Variants in ZNF503 observed in about 807,000 individuals in gnomAD.
The protein encoded by ZNF503 is zinc finger protein 503, also known as NocA-like zinc finger 2.
ZNF503 carries 15 observed loss-of-function variants against 34.4 expected under a neutral mutation model. The observed-to-expected ratio is 0.44, with a 90% confidence interval of 0.29 to 0.67. The LOEUF is 0.67. Among genes scored for constraint, ZNF503 ranks in the 30% least tolerant of loss-of-function variants. ZNF503 has a pLI of 0.13. For missense variants in ZNF503, 1,007 were observed against 926.8 expected, an observed-to-expected ratio of 1.09 and a Z score of -1.12; for synonymous variants, 580 against 456.8, an observed-to-expected ratio of 1.27 and a Z score of -3.44.
chr10:75,365,100 C>T, the ZNF503 span, among the ~76,000 whole-genome samples: 1,048 of 152,302 alleles, frequency 6.9e-3, 10 homozygotes, highest in Non-Finnish European at 9.2e-3. Flanking sequence ...TGCTGGGTCT[C>T]GGGTTATTTC....
the ZNF503 span, among the ~76,000 whole-genome samples, chr10:75,308,166 G>A: frequency 0.015 from 2,210 of 145,354 alleles, 31 homozygotes; most frequent in Middle Eastern, 0.033. Context: ...CTCTTTAAAT[G>A]GAAAAACAAA....
chr10:75,370,778 C>CAAAAAAAAAAAA, the ZNF503 span, among the ~76,000 whole-genome samples: 17 of 67,972 alleles, frequency 2.5e-4, no homozygotes, highest in East Asian at 1.0e-3. Flanking sequence ...GGCTCCATCT[C>CAAAAAAAAAAAA]AAAAAAAAAA....
At chr10:75,371,233 G>A in the ZNF503 span, among the ~76,000 whole-genome samples, 1 of 152,190 alleles carries the variant, frequency 6.6e-6, no homozygotes. Context: ...CTGGTCCACA[G>A]AGTCTCCATC....
the ZNF503 span, among the ~76,000 whole-genome samples, chr10:75,287,497 C>T: frequency 0.04 from 6,133 of 152,222 alleles, 423 homozygotes; most frequent in African/African-American, 0.14. Context: ...ACCCTCTACT[C>T]TCTCCTGGGC....
the ZNF503 span, among the ~76,000 whole-genome samples, chr10:75,378,068 C>A: frequency 6.6e-6 from 1 of 151,994 alleles, no homozygotes; most frequent in African/African-American, 2.4e-5. Flanking sequence ...AATTCACTAT[C>A]TCGAGGACAG....
chr10:75,344,069 T>C, the ZNF503 span, among the ~76,000 whole-genome samples: 1 of 152,190 alleles, frequency 6.6e-6, no homozygotes, highest in East Asian at 1.9e-4. Context: ...CTATAGCTAA[T>C]TAGCTGCCTC....
the ZNF503 span, among the ~76,000 whole-genome samples, chr10:75,328,451 A>G: frequency 1.3e-5 from 2 of 152,020 alleles, no homozygotes; most frequent in South Asian, 4.2e-4. Flanking sequence ...ATTGACCTAT[A>G]TGTTTGTTTT....
the ZNF503 span, among the ~76,000 whole-genome samples, chr10:75,300,512 A>G: frequency 2.0e-5 from 3 of 152,298 alleles, no homozygotes; most frequent in East Asian, 1.9e-4. Context: ...AATATCCATG[A>G]AATCTTCACA....
chr10:75,333,318 G>A, the ZNF503 span, among the ~76,000 whole-genome samples: 2 of 66,762 alleles, frequency 3.0e-5, no homozygotes, highest in East Asian at 9.2e-4. Context: ...CGGGGCGGCT[G>A]GCTGGGCAGA....
At chr10:75,323,812 C>A in the ZNF503 span, among the ~76,000 whole-genome samples, 3 of 151,896 alleles carry the variant, frequency 2.0e-5, no homozygotes, top group Admixed American at 1.3e-4. Flanking sequence ...ACCAGCCTGG[C>A]CAACATGGTG....
Position 75,401,310 on chromosome 10 carries a change from G to C in ZNF503, c.110C>G (p.Ser37Cys), listed in dbSNP as rs765073633. The part of the protein sequence containing the change: ...GADPAWTSAL[S>C]GNSSGPGPGS... ...TGGGCCGGGGCCGGAGCTATTTCCA[G>C]AGAGCGCGCTGGTCCAGGCAGGGTC... The change falls in exon 1 of 2, where the codon TCT becomes TGT. Residue 37 changes from serine (S) to cysteine (C), a missense_variant. Physicochemically the swap from Ser to Cys is moderately radical, Grantham distance 112. Transcript: ENST00000372524. The C allele has an allele frequency of 3.2e-6, 5 of 1,552,276 alleles. No individual in the cohort carries two copies. Among genetic ancestry groups the C allele is most frequent in the Non-Finnish European group, 3.5e-6 (4 of 1,152,048 alleles).
At chr10:75,313,747 G>A in the ZNF503 span, among the ~76,000 whole-genome samples, 20 of 152,326 alleles carry the variant, frequency 1.3e-4, no homozygotes, top group African/African-American at 4.1e-4. Context: ...AATATCTCAT[G>A]TAAACAGCCA....
the ZNF503 span, among the ~76,000 whole-genome samples, chr10:75,380,587 G>A: frequency 6.6e-6 from 1 of 152,198 alleles, no homozygotes; most frequent in Non-Finnish European, 1.5e-5. Context: ...ATAATGAGAA[G>A]CACTGAGGCC....
Position 75,401,369 on chromosome 10 carries a change from G to A in ZNF503, c.51C>T (p.Gly17=). ...LSALRSSKHS[G]GGGGGGGGGG... ...CGCCTCCGCCTCCGCCGCCGCCGCC[G>A]CCGCTGTGCTTACTGCTTCTTAGGG... The change falls in exon 1 of 2, where the codon GGC becomes GGT. Residue 17 remains glycine, a synonymous_variant. Transcript: ENST00000372524. The A allele has an allele frequency of 1.9e-6, 3 of 1,539,656 alleles. No homozygotes were observed. Among genetic ancestry groups the A allele is most frequent in the Non-Finnish European group, 2.6e-6 (3 of 1,146,526 alleles).
the ZNF503 span, among the ~76,000 whole-genome samples, chr10:75,375,067 G>A: frequency 6.6e-6 from 1 of 152,188 alleles, no homozygotes; most frequent in Non-Finnish European, 1.5e-5. Flanking sequence ...GATCCAATGA[G>A]TTTGGGAAGG....
chr10:75,374,416 C>T, the ZNF503 span, among the ~76,000 whole-genome samples: 1 of 152,202 alleles, frequency 6.6e-6, no homozygotes, highest in Admixed American at 6.5e-5. Context: ...TTTCTCCAGC[C>T]ACATCAGCCT....
At position 75,399,416 on chromosome 10, in the gene ZNF503, C is replaced by T. The variant is rs780037921; in HGVS notation, c.1274G>A (p.Ser425Asn). 1.2e-6 allele frequency: 2 copies of T among 1,604,038 alleles called. No homozygotes were observed. Among genetic ancestry groups the T allele is most frequent in the African/African-American group, 1.3e-5 (1 of 74,838 alleles). The change falls in exon 2 of 2, where the codon AGT becomes AAT. Residue 425 changes from serine to asparagine, a missense_variant. Transcript: ENST00000372524. ...GAGGCAGTAAGGGTCCCGGCACAAA[C>T]TGGCTGTCATCACGGACGGCGGAGA... is the stretch of plus-strand genomic sequence containing the variant. The part of the protein sequence containing the change: ...GASPPSVMTA[S>N]LCRDPYCLSY...
At chr10:75,336,337 CAATATTT>C in the ZNF503 span, among the ~76,000 whole-genome samples, 2 of 142,164 alleles carry the variant, frequency 1.4e-5, no homozygotes, top group Non-Finnish European at 3.0e-5. Flanking sequence ...ATTAGAAACT[CAATATTT>C]AATACTTCCT....
At chr10:75,358,469 C>G in the ZNF503 span, 1 of 152,144 alleles carries the variant, frequency 6.6e-6, no homozygotes, top group Non-Finnish European at 1.5e-5. Flanking sequence ...TATGTACATA[C>G]AACACTTGAT....
Sources: gnomAD v4.1 joint callset for allele counts (sites outside exome capture counted in the v4.1 genomes callset) on GRCh38, gnomAD v4.1.1 for gene constraint, MANE v1.5 for transcripts, NCBI Gene and HGNC (gene_info 2026-07-23, HGNC 2026-07-21) for gene names.